CSMD1: variants seen among roughly 807,000 people sequenced by gnomAD.
CSMD1 encodes the protein CUB and sushi domain-containing protein 1.
Under a neutral mutation model 417.5 loss-of-function variants are expected in CSMD1, and 213 were observed. That is an observed-to-expected ratio of 0.51 (90% CI 0.46 to 0.57). CSMD1 has a LOEUF of 0.57. CSMD1 is among the 20% of genes least tolerant of loss of function. The probability of loss-of-function intolerance (pLI) is 0.00; values close to 1 mark genes in which losing one functional copy is unlikely to be tolerated. For missense variants in CSMD1, 6,923 were observed against 4,529.7 expected, an observed-to-expected ratio of 1.53 and a Z score of -15.17; for synonymous variants, 2,862 against 1,736.8, an observed-to-expected ratio of 1.65 and a Z score of -16.11.
chr8:3,088,455 C>G (rs1321435160), intron 48 of CSMD1, among the ~76,000 whole-genome samples: 1 of 152,168 alleles, frequency 6.6e-6, no homozygotes, highest in African/African-American at 2.4e-5. Context: ...GGTCTGAATG[C>G]TTAACATTGC....
intron 2 of CSMD1, among the ~76,000 whole-genome samples, chr8:4,626,371 A>G (rs1243659597): frequency 6.6e-6 from 1 of 152,038 alleles, no homozygotes; most frequent in Non-Finnish European, 1.5e-5. Flanking sequence ...TCTAAAGGAA[A>G]AAGTAACAGA....
At chr8:3,076,382 C>T (rs186687342) in intron 49 of CSMD1, among the ~76,000 whole-genome samples, 96 of 152,354 alleles carry the variant, frequency 6.3e-4, no homozygotes, top group African/African-American at 2.2e-3. Context: ...TCCATCACCT[C>T]TGTAAAGAAA....
chr8:4,138,568 G>T (rs947478752), intron 3 of CSMD1, among the ~76,000 whole-genome samples: 2 of 151,878 alleles, frequency 1.3e-5, no homozygotes, highest in African/African-American at 4.8e-5. Flanking sequence ...GAATCCCCTG[G>T]ATCAGATCCT....
At chr8:3,227,164 T>C (rs1263758405) in intron 27 of CSMD1, among the ~76,000 whole-genome samples, 1 of 151,764 alleles carries the variant, frequency 6.6e-6, no homozygotes, top group African/African-American at 2.4e-5. Flanking sequence ...ACTTTGGGAG[T>C]CTGAGGCAGG....
intron 5 of CSMD1, among the ~76,000 whole-genome samples, chr8:3,858,981 C>T (rs1346105684): frequency 6.6e-6 from 1 of 152,168 alleles, no homozygotes; most frequent in Non-Finnish European, 1.5e-5. Context: ...ACATCAATCC[C>T]TTCTTCTACT....
chr8:4,486,198 T>TATAC (rs1554494260), intron 2 of CSMD1, among the ~76,000 whole-genome samples: 1 of 8,932 alleles, frequency 1.1e-4, no homozygotes, highest in African/African-American at 4.5e-4. Flanking sequence ...TATATATATA[T>TATAC]ACATACATAT....
chr8:3,276,504 A>C (rs908680264), intron 26 of CSMD1, among the ~76,000 whole-genome samples: 2 of 152,144 alleles, frequency 1.3e-5, no homozygotes, highest in East Asian at 3.9e-4. Context: ...ATGAGATCTC[A>C]TGAGTCTTAT....
At chr8:3,287,682 T>C (rs1803261476) in intron 25 of CSMD1, among the ~76,000 whole-genome samples, 1 of 152,200 alleles carries the variant, frequency 6.6e-6, no homozygotes, top group African/African-American at 2.4e-5. Flanking sequence ...AAGTTGCCCA[T>C]CAGCTTAAGG....
At chr8:4,320,422 ATAGG>A (rs1417122642) in intron 3 of CSMD1, among the ~76,000 whole-genome samples, 1 of 152,112 alleles carries the variant, frequency 6.6e-6, no homozygotes, top group African/African-American at 2.4e-5. Context: ...GGTTTGTGAC[ATAGG>A]TAGACACGTG....
At chr8:4,978,442 C>G (rs1810691004) in intron 1 of CSMD1, among the ~76,000 whole-genome samples, 1 of 152,024 alleles carries the variant, frequency 6.6e-6, no homozygotes, top group African/African-American at 2.4e-5. Context: ...AAGAATTGGG[C>G]CCTACTTATG....
chr8:3,162,129 G>A (rs1819934504), intron 38 of CSMD1, 30 bp downstream of exon 38: 2 of 1,377,900 alleles, frequency 1.5e-6, no homozygotes, highest in East Asian at 2.4e-5. Flanking sequence ...CCATGTGTAT[G>A]TTATTCCTGA....
rs572100166 is a variant in CSMD1, at chr8:4,468,226, G to T, written c.303-48161C>A. On this transcript the variant is annotated intron_variant, in intron 2 of 69. Transcript: ENST00000635120. ...AGCAGCAGTGCCTGGGGCATGCCTG[G>T]GGAAAGGAAGGAGAGCTGGCTGACT... 2.6e-5 allele frequency among the ~76,000 whole-genome samples: 4 copies of T among 152,256 alleles called. No homozygotes were observed. The South Asian group carries it at 8.3e-4, about 32-fold the overall frequency.
chr8:4,791,929 CTTTA>C (rs1487765409), intron 1 of CSMD1, among the ~76,000 whole-genome samples: 1 of 149,664 alleles, frequency 6.7e-6, no homozygotes, highest in East Asian at 2.0e-4. Context: ...AATTTAGTTT[CTTTA>C]TGTTAGTTTT....
At chr8:4,105,176 G>T (rs543514664) in intron 3 of CSMD1, among the ~76,000 whole-genome samples, 8 of 152,172 alleles carry the variant, frequency 5.3e-5, no homozygotes, top group Admixed American at 2.6e-4. Context: ...CCATTCCATG[G>T]ATGCCATACA....
chr8:3,751,601 T>C (rs1278810472), intron 6 of CSMD1, among the ~76,000 whole-genome samples: 1 of 151,136 alleles, frequency 6.6e-6, no homozygotes, highest in Non-Finnish European at 1.5e-5. Flanking sequence ...GTTTATATAA[T>C]TTATATACTC....
chr8:3,937,467 G>T (rs759712297), intron 5 of CSMD1, among the ~76,000 whole-genome samples: 1 of 152,040 alleles, frequency 6.6e-6, no homozygotes, highest in African/African-American at 2.4e-5. Context: ...CAACATTGAC[G>T]AAAGACCTTC....
intron 5 of CSMD1, among the ~76,000 whole-genome samples, chr8:3,944,602 T>C (rs1276273349): frequency 4.6e-5 from 7 of 152,178 alleles, no homozygotes; most frequent in African/African-American, 1.7e-4. Flanking sequence ...AATTCCCAGA[T>C]ATGCCAACAT....
intron 37 of CSMD1, among the ~76,000 whole-genome samples, chr8:3,175,904 T>C (rs941179316): frequency 2.6e-5 from 4 of 152,178 alleles, no homozygotes; most frequent in Admixed American, 1.3e-4. Flanking sequence ...AAACCTTACA[T>C]AGAATTACTT....
At chr8:4,433,261 C>A (rs148102744) in intron 2 of CSMD1, among the ~76,000 whole-genome samples, 1 of 152,080 alleles carries the variant, frequency 6.6e-6, no homozygotes, top group Non-Finnish European at 1.5e-5. Flanking sequence ...TGAATGACCC[C>A]GAAACCATTT....
Sources: allele counts gnomAD v4.1 joint callset (sites outside exome capture counted in the v4.1 genomes callset), GRCh38; gene constraint gnomAD v4.1.1; transcripts MANE v1.5; gene names NCBI Gene and HGNC (gene_info 2026-07-23, HGNC 2026-07-21).